The following POTEC variants were observed in gnomAD, a reference collection of about 807,000 sequenced individuals.
POTEC encodes ANKRD26-like family B member 2.
POTEC carries 35 observed loss-of-function variants against 62.0 expected under a neutral mutation model. The observed-to-expected ratio is 0.56, with a 90% CI of 0.43 to 0.75. The LOEUF is 0.75. Ranked by LOEUF, POTEC falls within the 30% of genes least tolerant of loss-of-function variation. POTEC has a pLI of 0.00. For synonymous variants in POTEC, 156 were observed against 221.5 expected (o/e 0.70, Z 2.62); for missense variants, 472 against 655.9 (o/e 0.72, Z 3.06).
intron 9 of POTEC, among the ~76,000 whole-genome samples, chr18:14,515,997 C>T (rs2143112789): frequency 6.6e-6 from 1 of 151,484 alleles, no homozygotes; most frequent in Middle Eastern, 3.4e-3. Context: ...CCAGAATGGT[C>T]ACTACTAAAA....
At position 14,510,219 on chromosome 18, in the gene POTEC, G is replaced by A. The variant is rs966839984; in HGVS notation, c.*1679C>T. On this transcript the variant is annotated 3_prime_UTR_variant, in exon 11 of 11. Coordinates refer to ENST00000358970, the MANE Select transcript of POTEC (RefSeq NM_001137671.2). ...GGGGTGTGTTGTACCTGTGGAAGAT[G>A]GACTGACTTGTTCCTTGTGTCAACT... The A allele has an allele frequency of 6.6e-6, 1 of 152,266 alleles. No homozygotes were observed. Among genetic ancestry groups the A allele is most frequent in the Non-Finnish European group, 1.5e-5 (1 of 68,078 alleles). The allele number at this position is 152,266 out of a possible 1,614,324, so 9.4% of individuals were successfully genotyped here. A position where few individuals can be genotyped will look rare whatever the true frequency, so the allele number is the denominator to read the frequency against.
chr18:14,516,313 T>C (rs1476579123), intron 9 of POTEC, among the ~76,000 whole-genome samples: 1 of 63,510 alleles, frequency 1.6e-5, no homozygotes, highest in Non-Finnish European at 2.9e-5. Context: ...TATATATATA[T>C]ATATATATAT....
At position 14,537,850 on chromosome 18, in the gene POTEC, A is replaced by G. The variant is rs779042026; in HGVS notation, c.761T>C (p.Met254Thr). 3.1e-5 allele frequency: 50 copies of G among 1,612,030 alleles called. No individual in the cohort carries two copies. The South Asian group carries it at 3.3e-4, about 11-fold the overall frequency. Residue 254 changes from methionine (M) to threonine (T), a missense_variant, in exon 3 of 11, where the codon ATG (methionine) becomes ACG (threonine). By Grantham distance (81) the Met-to-Thr change is moderately conservative (BLOSUM62 -1). Coordinates refer to ENST00000358970, the MANE Select transcript of POTEC (RefSeq NM_001137671.2). Reference protein sequence around the residue: ...HYAVHNEDKLMAKALLLYGAD... With the variant: ...HYAVHNEDKLTAKALLLYGAD... ...ACCATATAAGAGCAGTGCTTTGGCC[A>G]TTAATTTATCTTCATTGTGGACAGC... is the stretch of plus-strand genomic sequence containing the variant.
In POTEC at chr18:14,507,515, G is replaced by T. The variant is rs1333284836; in HGVS notation, c.*4383C>A. ...TCTTGAAGACGGCATACTCCAATGG[G>T]TCTTGGTTCTTTATCCAGCTTGCCC... On this transcript the variant is annotated 3_prime_UTR_variant, in exon 11 of 11. Coordinates refer to ENST00000358970, the MANE Select transcript of POTEC (RefSeq NM_001137671.2). 6.6e-6 allele frequency: 1 copy of T among 151,588 alleles called. No homozygotes were observed. Among genetic ancestry groups the T allele is most frequent in the Non-Finnish European group, 1.5e-5 (1 of 67,952 alleles). The allele number at this position is 151,588 out of a possible 1,614,324, so 9.4% of individuals were successfully genotyped here.
chr18:14,517,664 C>A (rs1460697737), intron 9 of POTEC, among the ~76,000 whole-genome samples: 2 of 152,070 alleles, frequency 1.3e-5, no homozygotes, highest in Admixed American at 6.6e-5. Flanking sequence ...GAGTTCGAGA[C>A]CAGCCTGACC....
chr18:14,519,284 A>T (rs1910248316), intron 9 of POTEC, among the ~76,000 whole-genome samples: 1 of 152,202 alleles, frequency 6.6e-6, no homozygotes, highest in South Asian at 2.1e-4. Flanking sequence ...CCAATTTTGG[A>T]TCTGACAAGT....
chr18:14,535,622 C>T (rs1174247244), intron 3 of POTEC, among the ~76,000 whole-genome samples: 11 of 151,500 alleles, frequency 7.3e-5, no homozygotes, highest in Non-Finnish European at 1.5e-4. Context: ...TTAATAACTC[C>T]ATGGTTTTTA....
chr18:14,519,270 T>C (rs892032379), intron 9 of POTEC, among the ~76,000 whole-genome samples: 2 of 152,200 alleles, frequency 1.3e-5, no homozygotes, highest in African/African-American at 2.4e-5. Context: ...AGGACATCAG[T>C]AGCCCAATTT....
rs763633286 is a variant in POTEC, at chr18:14,537,787, T to G, written c.810+14A>C. The G allele has an allele frequency of 6.2e-7, 1 of 1,610,050 alleles. No individual in the cohort carries two copies. Among genetic ancestry groups the G allele is most frequent in the African/African-American group, 1.3e-5 (1 of 74,764 alleles). On this transcript the variant is annotated intron_variant, in intron 3 of 10. Transcript: ENST00000358970. ...CATTTCAGTATTTTGAAGATAAAATTGGTAGATCTATACCTTGTTTTTTGA... is the reference window on the plus strand; with the variant it reads ...CATTTCAGTATTTTGAAGATAAAATGGGTAGATCTATACCTTGTTTTTTGA...
At position 14,543,465 on chromosome 18, in the gene POTEC, G is replaced by A. The variant is rs1906036294; in HGVS notation, c.-319C>T. ...AGAGAAAAAGTCAAGCCCAGCAAAGGAATGCGAGGGAGGAAACGCCAATCC... is the reference window on the plus strand; with the variant it reads ...AGAGAAAAAGTCAAGCCCAGCAAAGAAATGCGAGGGAGGAAACGCCAATCC... On this transcript the variant is annotated 5_prime_UTR_variant, in exon 1 of 11. Coordinates refer to ENST00000358970, the MANE Select transcript of POTEC (RefSeq NM_001137671.2). 1.9e-6 allele frequency: 1 copy of A among 517,824 alleles called. No homozygotes were observed. Among genetic ancestry groups the A allele is most frequent in the South Asian group, 2.3e-5 (1 of 42,668 alleles). 32.1% of individuals were successfully genotyped at this position (517,824 alleles called of 1,614,324 possible).
rs868570397 is a variant in POTEC, at chr18:14,534,014, G to A, written c.918-816C>T. On this transcript the variant is annotated intron_variant, in intron 4 of 10. Coordinates refer to ENST00000358970, the MANE Select transcript of POTEC (RefSeq NM_001137671.2). ...ATGTATACATGTGCCATGCTGGTGC[G>A]CTGCACCCACTAACTCGTCATCTAG... 1.9e-4 allele frequency among the ~76,000 whole-genome samples: 29 copies of A among 149,290 alleles called. No homozygotes were observed. The Middle Eastern group carries it at 0.017, about 88-fold the overall frequency.
intron 6 of POTEC, among the ~76,000 whole-genome samples, chr18:14,527,432 C>T (rs990785900): frequency 9.2e-5 from 14 of 152,200 alleles, no homozygotes; most frequent in African/African-American, 2.9e-4. Context: ...CTAGGACTGA[C>T]TTTGCTGTGC....
Position 14,509,656 on chromosome 18 carries a change from G to C in POTEC, c.*2242C>G, listed in dbSNP as rs1909946063. ...CACGGTCCGCTTGTACAGAAGCTAT[G>C]GTGTGGGCACCCGAAAGTGCCCTCT... On this transcript the variant is annotated 3_prime_UTR_variant, in exon 11 of 11. Transcript: ENST00000358970. 1 of 151,540 alleles carries C rather than the reference G, an allele frequency of 6.6e-6. No individual in the cohort carries two copies. Among genetic ancestry groups the C allele is most frequent in the African/African-American group, 2.4e-5 (1 of 41,222 alleles). The allele number at this position is 151,540 out of a possible 1,614,324, so 9.4% of individuals were successfully genotyped here.
At chr18:14,537,091 C>A (rs923370110) in intron 3 of POTEC, among the ~76,000 whole-genome samples, 5 of 150,154 alleles carry the variant, frequency 3.3e-5, no homozygotes, top group African/African-American at 1.2e-4. Flanking sequence ...AACTCCCTCT[C>A]CCAAACTGAA....
intron 3 of POTEC, among the ~76,000 whole-genome samples, chr18:14,535,680 G>A (rs1324407809): frequency 6.6e-6 from 1 of 151,836 alleles, no homozygotes; most frequent in African/African-American, 2.4e-5. Flanking sequence ...ACAAACTTAA[G>A]AGACATACTG....
At chr18:14,542,271 T>C (rs1905959830) in intron 1 of POTEC, among the ~76,000 whole-genome samples, 1 of 152,348 alleles carries the variant, frequency 6.6e-6, no homozygotes, top group East Asian at 1.9e-4. Context: ...GAAGTTGATA[T>C]ATTATGGGGC....
In POTEC at chr18:14,508,628, C is replaced by A. The variant is rs1598474379; in HGVS notation, c.*3270G>T. 6.5e-6 allele frequency: 1 copy of A among 152,744 alleles called. No individual in the cohort carries two copies. The highest frequency in any genetic ancestry group is 1.9e-4 in the East Asian group (1 of 5,182). The allele number at this position is 152,744 out of a possible 1,614,324, so 9.5% of individuals were successfully genotyped here. A position where few individuals can be genotyped will look rare whatever the true frequency, so the allele number is the denominator to read the frequency against. Reference sequence around the variant, plus strand: ...GTCTGTTAGTTCCTGCAATGTTTTACAATGATTTTTAGCTTCCTTGTATTG... The same window carrying A: ...GTCTGTTAGTTCCTGCAATGTTTTAAAATGATTTTTAGCTTCCTTGTATTG... On this transcript the variant is annotated 3_prime_UTR_variant, in exon 11 of 11. Transcript: ENST00000358970.
chr18:14,543,287 C>T lies in POTEC; in HGVS notation c.-141G>A, dbSNP rs1038140540. The T allele has an allele frequency of 7.2e-7, 1 of 1,382,814 alleles. No homozygotes were observed. The highest frequency in any genetic ancestry group is 9.8e-7 in the Non-Finnish European group (1 of 1,021,124). The allele number at this position is 1,382,814 out of a possible 1,614,324, so 85.7% of individuals were successfully genotyped here. On this transcript the variant is annotated 5_prime_UTR_variant, in exon 1 of 11. Coordinates refer to ENST00000358970, the MANE Select transcript of POTEC (RefSeq NM_001137671.2). ...CCCAGCCAAAACTTGCCAACCCCAG[C>T]AAGGGAGCCCAGTCCACCCCACCCA...
chr18:14,522,627 T>G (rs1910340421), intron 8 of POTEC, among the ~76,000 whole-genome samples: 1 of 152,166 alleles, frequency 6.6e-6, no homozygotes, highest in Non-Finnish European at 1.5e-5. Context: ...GAAATTTTTG[T>G]AAAGTCTTCT....
Sources: gnomAD v4.1 joint callset for allele counts (sites outside exome capture counted in the v4.1 genomes callset) on GRCh38, gnomAD v4.1.1 for gene constraint, MANE v1.5 for transcripts, NCBI Gene and HGNC (gene_info 2026-07-23, HGNC 2026-07-21) for gene names.